C17orf107: variants seen among roughly 807,000 people sequenced by gnomAD.
C17orf107 encodes uncharacterized protein C17orf107.
A neutral mutation model predicts 8.9 loss-of-function variants in C17orf107; 9 were observed. The ratio of observed to expected loss-of-function variants is 1.02; its 90% CI spans 0.61 to 1.77. The LOEUF (loss-of-function observed/expected upper bound fraction) is 1.77. C17orf107 is among the 40% of genes most tolerant of loss of function. C17orf107 has a pLI of 0.00. For missense variants in C17orf107, 281 were observed against 249.0 expected, an observed-to-expected ratio of 1.13 and a Z score of -0.86; for synonymous variants, 139 against 120.3, an observed-to-expected ratio of 1.16 and a Z score of -1.02.
In C17orf107 at chr17:4,900,499, GAGA is replaced by G; in HGVS notation, c.541_543del (p.Glu181del). 6.4e-7 allele frequency: 1 copy of G among 1,550,986 alleles called. No individual in the cohort carries two copies. Among genetic ancestry groups the G allele is most frequent in the Non-Finnish European group, 8.7e-7 (1 of 1,146,996 alleles). ...CAGCAGCTAGGCCTCGGAATCCCCG[GAGA>G]ACCGGTGAGCTCAGGACACGGGGTG... is the stretch of plus-strand genomic sequence containing the variant. On this transcript the variant is annotated inframe_deletion, in exon 3 of 3. Transcript: ENST00000381365.
At position 4,900,913 on chromosome 17, in the gene C17orf107, G is replaced by C; in HGVS notation, c.*380G>C. ...CGTGCATTTCTGGCCGCCGGCTGGA[G>C]GGAGAGCCAGTGAGAGCGGGCCCCG... On this transcript the variant is annotated 3_prime_UTR_variant, in exon 3 of 3. Transcript: ENST00000381365. 3 of 1,614,154 alleles carry C rather than the reference G, an allele frequency of 1.9e-6. No homozygotes were observed. The highest frequency in any genetic ancestry group is 2.5e-6 in the Non-Finnish European group (3 of 1,179,976).
At position 4,902,382 on chromosome 17, in the gene C17orf107, T is replaced by C. The variant is rs111764349; in HGVS notation, c.*1849T>C. 5.6e-6 allele frequency: 9 copies of C among 1,613,302 alleles called. No individual in the cohort carries two copies. The African/African-American group carries it at 8.0e-5, about 14-fold the overall frequency. ...CCTGCATCTCCCACCTGGCGCTGCC[T>C]GGGAGGGGTTTGGGGGAAAAGGGGT... On this transcript the variant is annotated 3_prime_UTR_variant, in exon 3 of 3. Coordinates refer to ENST00000381365, the MANE Select transcript of C17orf107 (RefSeq NM_001145536.2). This position sits in a 1 kb window ranked among gnomAD's most constrained non-coding sequence, Gnocchi z 4.0.
Position 4,902,363 on chromosome 17 carries a change from T to C in C17orf107, c.*1830T>C. 1 of 1,613,396 alleles carries C rather than the reference T, an allele frequency of 6.2e-7. No homozygotes were observed. The highest frequency in any genetic ancestry group is 8.5e-7 in the Non-Finnish European group (1 of 1,179,368). On this transcript the variant is annotated 3_prime_UTR_variant, in exon 3 of 3. Coordinates refer to ENST00000381365, the MANE Select transcript of C17orf107 (RefSeq NM_001145536.2). This position sits in a 1 kb window ranked among gnomAD's most constrained non-coding sequence, Gnocchi z 4.0. ...GGGATGGAAGGCCGCGTGCCCTGCATCTCCCACCTGGCGCTGCCTGGGAGG... is the reference window on the plus strand; with the variant it reads ...GGGATGGAAGGCCGCGTGCCCTGCACCTCCCACCTGGCGCTGCCTGGGAGG...
chr17:4,902,945 T>C (rs369693200), downstream of C17orf107: 6 of 1,603,478 alleles, frequency 3.7e-6, no homozygotes, highest in African/African-American at 1.3e-5. The surrounding 1 kb of genome is among the most constrained non-coding windows in gnomAD (Gnocchi z 4.0). Flanking sequence ...TCTTGGTCTC[T>C]GTCTTTGTCT....
Position 4,901,885 on chromosome 17 carries a change from C to CCT in C17orf107, c.*1353_*1354insTC. The CCT allele has an allele frequency of 2.0e-6, 2 of 980,006 alleles. No homozygotes were observed. The highest frequency in any genetic ancestry group is 3.0e-6 in the Non-Finnish European group (2 of 672,016). The allele number at this position is 980,006 out of a possible 1,614,324, so 60.7% of individuals were successfully genotyped here. A position where few individuals can be genotyped will look rare whatever the true frequency, so the allele number is the denominator to read the frequency against. ...TCCCGGTTGGCCCCGCCCCATAAGG[C>CCT]CCCCCCCCAACAATAATCGTCCGGG... On this transcript the variant is annotated 3_prime_UTR_variant, in exon 3 of 3. Coordinates refer to ENST00000381365, the MANE Select transcript of C17orf107 (RefSeq NM_001145536.2).
At position 4,901,371 on chromosome 17, in the gene C17orf107, G is replaced by GT. The variant is rs746438309; in HGVS notation, c.*839dup. ...TGGAAAGCCAGAAGGCAGGACTAGA[G>GT]TAACAATCGAGAATGATTTCAGGAC... On this transcript the variant is annotated 3_prime_UTR_variant, in exon 3 of 3. Transcript: ENST00000381365. 2.0e-4 allele frequency: 192 copies of GT among 938,296 alleles called. No individual in the cohort carries two copies. Among genetic ancestry groups the GT allele is most frequent in the Non-Finnish European group, 3.0e-4 (176 of 592,082 alleles). 58.1% of individuals were successfully genotyped at this position (938,296 alleles called of 1,614,324 possible).
At chr17:4,903,021 G>A (rs1420534992), downstream of C17orf107, 1 of 1,613,944 alleles carries the variant, frequency 6.2e-7, no homozygotes, top group African/African-American at 1.3e-5. Context: ...TCCGTACCGA[G>A]AAGCCCCAAG....
chr17:4,902,687 T>C lies in C17orf107; in HGVS notation c.*2154T>C. 1 of 1,613,784 alleles carries C rather than the reference T, an allele frequency of 6.2e-7. No individual in the cohort carries two copies. Among genetic ancestry groups the C allele is most frequent in the Non-Finnish European group, 8.5e-7 (1 of 1,179,914 alleles). ...TGACAGTATCCTCAGGCTCCCGCAC[T>C]GGCCGGCTTCCTGGGTCATAGTTGT... On this transcript the variant is annotated 3_prime_UTR_variant, in exon 3 of 3. Coordinates refer to ENST00000381365, the MANE Select transcript of C17orf107 (RefSeq NM_001145536.2). The surrounding 1 kb of genome is among the most constrained non-coding windows in gnomAD (Gnocchi z 4.0).
chr17:4,900,826 G>A lies in C17orf107; in HGVS notation c.*293G>A, dbSNP rs1481320222. 1.9e-6 allele frequency: 3 copies of A among 1,614,168 alleles called. No homozygotes were observed. The highest frequency in any genetic ancestry group is 1.1e-5 in the South Asian group (1 of 91,084). On this transcript the variant is annotated 3_prime_UTR_variant, in exon 3 of 3. Transcript: ENST00000381365. ...GAGCGGCACGCTCAGAGAAGTCTCTGGGATTTTCTGGGCAATGAGGAACAA... is the reference window on the plus strand; with the variant it reads ...GAGCGGCACGCTCAGAGAAGTCTCTAGGATTTTCTGGGCAATGAGGAACAA...
chr17:4,900,774 G>A lies in C17orf107; in HGVS notation c.*241G>A. On this transcript the variant is annotated 3_prime_UTR_variant, in exon 3 of 3. Transcript: ENST00000381365. ...CACCCTTCACACTGGCCACACCCCC[G>A]CGGGGGCTCCGGCTTCACCTGCCCA... is the stretch of plus-strand genomic sequence containing the variant. 5 of 1,607,218 alleles carry A rather than the reference G, an allele frequency of 3.1e-6. No individual in the cohort carries two copies. In the African/African-American group the frequency reaches 4.0e-5, roughly 13 times the overall value.
downstream of C17orf107, chr17:4,903,107 T>G (rs766690656): frequency 1.2e-6 from 2 of 1,609,224 alleles, no homozygotes; most frequent in Admixed American, 1.7e-5. Context: ...CTGGCAGGCT[T>G]GGAGGGGGCA....
Position 4,902,572 on chromosome 17 carries a change from G to A in C17orf107, c.*2039G>A. 1.2e-6 allele frequency: 2 copies of A among 1,614,140 alleles called. No individual in the cohort carries two copies. Among genetic ancestry groups the A allele is most frequent in the Non-Finnish European group, 1.7e-6 (2 of 1,180,006 alleles). On this transcript the variant is annotated 3_prime_UTR_variant, in exon 3 of 3. Transcript: ENST00000381365. The surrounding 1 kb of genome is among the most constrained non-coding windows in gnomAD (Gnocchi z 4.0). ...GCTTTAGGACAGAGCTCAGCGGTTG[G>A]GGCCAGAAGTGGGATTTTTGGCTTA... is the stretch of plus-strand genomic sequence containing the variant.
Position 4,901,592 on chromosome 17 carries a change from G to A in C17orf107, c.*1059G>A, listed in dbSNP as rs1246145838. 1 of 1,614,024 alleles carries A rather than the reference G, an allele frequency of 6.2e-7. No individual in the cohort carries two copies. The highest frequency in any genetic ancestry group is 1.3e-5 in the African/African-American group (1 of 74,926). ...TGCCGTCGTTGTCTACGGCAAAAGT[G>A]AACTCCACCTCTTCGGCATTGTACG... On this transcript the variant is annotated 3_prime_UTR_variant, in exon 3 of 3. Transcript: ENST00000381365.
Position 4,899,626 on chromosome 17 carries a change from C to G in C17orf107, c.-137C>G. ...ATGACATCACCGTTCCTCCTCCCAG[C>G]TACCGAAGGCGCCGCGCGCTGACCT... On this transcript the variant is annotated 5_prime_UTR_variant, in exon 1 of 3. Coordinates refer to ENST00000381365, the MANE Select transcript of C17orf107 (RefSeq NM_001145536.2). The G allele has an allele frequency of 3.3e-6, 5 of 1,493,314 alleles. No individual in the cohort carries two copies. Among genetic ancestry groups the G allele is most frequent in the Non-Finnish European group, 3.7e-6 (4 of 1,093,686 alleles). 92.5% of individuals were successfully genotyped at this position (1,493,314 alleles called of 1,614,324 possible). A position where few individuals can be genotyped will look rare whatever the true frequency, so the allele number is the denominator to read the frequency against.
At chr17:4,904,775 A>T, downstream of C17orf107, among the ~76,000 whole-genome samples, 1 of 152,158 alleles carries the variant, frequency 6.6e-6, no homozygotes, top group African/African-American at 2.4e-5. Context: ...CCCACCTATG[A>T]GGTAGGTCAT....
chr17:4,901,993 C>T lies in C17orf107; in HGVS notation c.*1460C>T, dbSNP rs771950733. ...AAGTAGGTGACCTCCACTGCGCAGA[C>T]GCTGCGGTAGATGGCCGGAGGCAGC... On this transcript the variant is annotated 3_prime_UTR_variant, in exon 3 of 3. Coordinates refer to ENST00000381365, the MANE Select transcript of C17orf107 (RefSeq NM_001145536.2). 7.4e-6 allele frequency: 12 copies of T among 1,613,946 alleles called. No homozygotes were observed. Among genetic ancestry groups the T allele is most frequent in the East Asian group, 2.2e-5 (1 of 44,880 alleles).
In C17orf107 at chr17:4,900,376, C is replaced by T. The variant is rs977034380; in HGVS notation, c.416C>T (p.Ala139Val). 5.8e-6 allele frequency: 9 copies of T among 1,549,306 alleles called. No individual in the cohort carries two copies. The African/African-American group carries it at 1.2e-4, about 21-fold the overall frequency. ...CAGGGGGTTCGGCAAGCTGGGGCTG[C>T]GGTGGGCGCCAGCGCCCGGCTCCTA... is the stretch of plus-strand genomic sequence containing the variant. ...AGQGVRQAGA[A>V]VGASARLLVQ... Residue 139 changes from alanine (A) to valine (V), a missense_variant, in exon 3 of 3, where the codon GCG becomes GTG. By Grantham distance (64) the Ala-to-Val change is moderately conservative. Transcript: ENST00000381365.
chr17:4,901,022 A>G lies in C17orf107; in HGVS notation c.*489A>G. ...CGGCAGGAAGTAGGCGAGCAGCACC[A>G]GGCCCGAGATGAGCACACAGGGCAC... On this transcript the variant is annotated 3_prime_UTR_variant, in exon 3 of 3. Coordinates refer to ENST00000381365, the MANE Select transcript of C17orf107 (RefSeq NM_001145536.2). 6.2e-7 allele frequency: 1 copy of G among 1,614,032 alleles called. No homozygotes were observed. Among genetic ancestry groups the G allele is most frequent in the South Asian group, 1.1e-5 (1 of 91,090 alleles).
chr17:4,906,330 G>C (rs1214318878), downstream of C17orf107, among the ~76,000 whole-genome samples: 1 of 152,118 alleles, frequency 6.6e-6, no homozygotes, highest in Non-Finnish European at 1.5e-5. Flanking sequence ...TATATGTTTA[G>C]CTCCCAAAAC....
Sources: gnomAD v4.1 joint callset for allele counts (sites outside exome capture counted in the v4.1 genomes callset) on GRCh38, gnomAD v4.1.1 for gene constraint, Gnocchi (gnomAD v3.1) non-coding constraint, MANE v1.5 for transcripts, NCBI Gene and HGNC (gene_info 2026-07-23, HGNC 2026-07-21) for gene names.